FGF13: variants seen among roughly 807,000 people sequenced by gnomAD.
FGF13 encodes fibroblast growth factor 13, also known as fibroblast growth factor homologous factor 2.
Under a neutral mutation model 19.5 loss-of-function variants are expected in FGF13, and 2 were observed. That is an observed-to-expected ratio of 0.10 (90% CI 0.04 to 0.32). The LOEUF is 0.32. Among genes scored for constraint, FGF13 ranks in the 10% least tolerant of loss-of-function variants. The pLI is 1.00. For synonymous variants in FGF13, 72 were observed against 76.9 expected, an observed-to-expected ratio of 0.94 and a Z score of 0.33; for missense variants, 113 against 192.7, an observed-to-expected ratio of 0.59 and a Z score of 2.45.
chrX:138,858,185 G>C (rs1055762976), intron 2 of FGF13, among the ~76,000 whole-genome samples: 4 of 112,060 alleles, frequency 3.6e-5, no homozygotes, highest in African/African-American at 1.3e-4. Flanking sequence ...TTTCCAAAGA[G>C]AACTGAAGCT....
chrX:139,040,113 T>A (rs913632295), intron 1 of FGF13, among the ~76,000 whole-genome samples: 4 of 111,967 alleles, frequency 3.6e-5, no homozygotes, highest in Non-Finnish European at 7.5e-5. Flanking sequence ...CTATATAAAG[T>A]GTTTAAGTGT....
intron 1 of FGF13, among the ~76,000 whole-genome samples, chrX:139,098,343 C>T (rs1247855037): frequency 3.6e-5 from 4 of 111,198 alleles, no homozygotes; most frequent in East Asian, 5.7e-4. Flanking sequence ...AATCGAACTA[C>T]CATTTGACCC....
At chrX:139,079,555 G>A (rs763882813) in intron 1 of FGF13, among the ~76,000 whole-genome samples, 1 of 110,868 alleles carries the variant, frequency 9.0e-6, no homozygotes, top group Non-Finnish European at 1.9e-5. Context: ...ATCCCTATAT[G>A]AGCACAAAAA....
At chrX:138,999,996 T>C (rs968483980) in intron 1 of FGF13, among the ~76,000 whole-genome samples, 1 of 111,988 alleles carries the variant, frequency 8.9e-6, no homozygotes, top group African/African-American at 3.2e-5. Context: ...CACGATCAAG[T>C]AGGCTTCATT....
chrX:138,984,602 G>A (rs1569436202), intron 1 of FGF13, among the ~76,000 whole-genome samples: 7 of 49,483 alleles, frequency 1.4e-4, no homozygotes, highest in African/African-American at 4.7e-4. Flanking sequence ...AGGAGGAGGA[G>A]GAGGAGGAGG....
At chrX:138,879,710 C>T (rs1322037276) in intron 1 of FGF13, among the ~76,000 whole-genome samples, 1 of 109,655 alleles carries the variant, frequency 9.1e-6, no homozygotes, top group African/African-American at 3.3e-5. Context: ...TCCCTGTGTC[C>T]ATGTGTTCTC....
intron 3 of FGF13, among the ~76,000 whole-genome samples, chrX:138,696,485 C>A (rs1196441552): frequency 9.0e-6 from 1 of 111,615 alleles, no homozygotes; most frequent in Admixed American, 9.5e-5. Flanking sequence ...AATTTAAGAT[C>A]TGTGAACTAT....
chrX:138,867,819 A>G (rs1672538263), intron 1 of FGF13, among the ~76,000 whole-genome samples: 1 of 102,039 alleles, frequency 9.8e-6, no homozygotes. Context: ...CTATCTATCT[A>G]TCTATCTATC....
At chrX:139,011,153 T>C (rs769465792) in intron 1 of FGF13, among the ~76,000 whole-genome samples, 1 of 110,782 alleles carries the variant, frequency 9.0e-6, no homozygotes, top group Non-Finnish European at 1.9e-5. Context: ...GAGGTTGAAA[T>C]GGTAATTTAA....
At chrX:139,186,231 A>G (rs769725553) in intron 1 of FGF13, among the ~76,000 whole-genome samples, 49 of 111,759 alleles carry the variant, frequency 4.4e-4, no homozygotes, top group Non-Finnish European at 6.2e-4. Flanking sequence ...GATGCAAAGA[A>G]TAAGTGATAC....
chrX:138,850,221 A>G (rs2091212878), intron 3 of FGF13, among the ~76,000 whole-genome samples: 1 of 111,913 alleles, frequency 8.9e-6, no homozygotes, highest in Non-Finnish European at 1.9e-5. Flanking sequence ...AGAGAATGAT[A>G]AATGTCCATC....
intron 3 of FGF13, among the ~76,000 whole-genome samples, chrX:138,674,563 TG>T (rs2124177651): frequency 9.1e-6 from 1 of 110,382 alleles, no homozygotes; most frequent in African/African-American, 3.3e-5. Context: ...GGAAGCAAGC[TG>T]AAAGAGGGAG....
At chrX:138,725,413 A>G (rs993358727) in intron 1 of FGF13, among the ~76,000 whole-genome samples, 3 of 111,448 alleles carry the variant, frequency 2.7e-5, no homozygotes, top group Non-Finnish European at 5.7e-5. Context: ...AGTAAAGACT[A>G]CTGAAGGCCA....
chrX:138,628,934 A>G lies in FGF13; in HGVS notation c.*3916T>C, dbSNP rs1314131181. ...GAATTGGAGCCTGTTTTGCTTTTAAAAAGTTGCAAAAAGCCTGAAGAAAGT... is the reference window on the plus strand; with the variant it reads ...GAATTGGAGCCTGTTTTGCTTTTAAGAAGTTGCAAAAAGCCTGAAGAAAGT... On this transcript the variant is annotated 3_prime_UTR_variant, in exon 5 of 5. Transcript: ENST00000315930. 2 of 112,071 alleles carry G rather than the reference A, an allele frequency of 1.8e-5. No individual in the cohort carries two copies. The highest frequency in any genetic ancestry group is 5.6e-4 in the East Asian group (2 of 3,557). The allele number at this position is 112,071 out of a possible 1,213,427, so 9.2% of individuals were successfully genotyped here.
At chrX:138,779,790 T>A (rs1272206617) in intron 3 of FGF13, among the ~76,000 whole-genome samples, 1 of 104,870 alleles carries the variant, frequency 9.5e-6, no homozygotes, top group Non-Finnish European at 2.0e-5. Context: ...CAGGCCAACG[T>A]TCAGATTCAG....
At chrX:139,191,989 G>C (rs1428203982) in intron 1 of FGF13, among the ~76,000 whole-genome samples, 2 of 111,785 alleles carry the variant, frequency 1.8e-5, no homozygotes, top group South Asian at 7.5e-4. Flanking sequence ...TGCGAGAGCC[G>C]AGGCTTTGAA....
intron 3 of FGF13, among the ~76,000 whole-genome samples, chrX:138,844,505 G>A (rs148917542): frequency 9.0e-6 from 1 of 111,623 alleles, no homozygotes; most frequent in Non-Finnish European, 1.9e-5. Flanking sequence ...AGCGTGAGAG[G>A]CAGAGACATC....
chrX:138,955,679 T>G (rs2091837580), intron 1 of FGF13, among the ~76,000 whole-genome samples: 1 of 111,862 alleles, frequency 8.9e-6, no homozygotes, highest in Non-Finnish European at 1.9e-5. Flanking sequence ...AGTTTTTAGT[T>G]CCCTGGATAG....
At chrX:138,858,412 T>C (rs2091270350) in intron 2 of FGF13, among the ~76,000 whole-genome samples, 1 of 112,098 alleles carries the variant, frequency 8.9e-6, no homozygotes, top group African/African-American at 3.2e-5. Flanking sequence ...GTATCACTAG[T>C]GTTTTTGTAT....
Sources: gnomAD v4.1 joint callset for allele counts (sites outside exome capture counted in the v4.1 genomes callset) on GRCh38, gnomAD v4.1.1 for gene constraint, MANE v1.5 for transcripts, NCBI Gene and HGNC (gene_info 2026-07-23, HGNC 2026-07-21) for gene names.